ANKFN1: variants seen among roughly 807,000 people sequenced by gnomAD.
ANKFN1 encodes the protein ankyrin repeat and fibronectin type III domain containing 1.
In ANKFN1, 74 loss-of-function variants were observed where a neutral mutation model predicts 108.7. The ratio of observed to expected loss-of-function variants is 0.68; its 90% CI spans 0.56 to 0.83. ANKFN1 has a LOEUF of 0.83. Ranked by LOEUF, ANKFN1 falls within the 40% of genes least tolerant of loss-of-function variation. ANKFN1 has a pLI of 0.00. For synonymous variants in ANKFN1, 547 were observed against 516.2 expected (o/e 1.06, Z -0.81); for missense variants, 1,505 against 1,382.3 (o/e 1.09, Z -1.41).
chr17:56,496,418 T>C (rs1482562122), intron 19 of ANKFN1, among the ~76,000 whole-genome samples: 2 of 152,076 alleles, frequency 1.3e-5, no homozygotes, highest in East Asian at 3.8e-4. Flanking sequence ...ATAACAGAAA[T>C]GTATTCCCTC....
At chr17:56,248,653 C>T (rs2043169648) in intron 3 of ANKFN1, among the ~76,000 whole-genome samples, 1 of 152,140 alleles carries the variant, frequency 6.6e-6, no homozygotes, top group Non-Finnish European at 1.5e-5. Context: ...TACCAGACCC[C>T]AAAGCCTATC....
chr17:56,263,378 CTG>C (rs1255201473), intron 3 of ANKFN1, among the ~76,000 whole-genome samples: 1 of 152,164 alleles, frequency 6.6e-6, no homozygotes, highest in Non-Finnish European at 1.5e-5. Flanking sequence ...TGGTCTGAAA[CTG>C]GGGTTTAATG....
At chr17:56,314,328 A>C (rs1358149274) in intron 3 of ANKFN1, among the ~76,000 whole-genome samples, 1 of 152,100 alleles carries the variant, frequency 6.6e-6, no homozygotes, top group Non-Finnish European at 1.5e-5. Flanking sequence ...ATTATATTTA[A>C]CTTTGTAAAA....
At chr17:56,181,755 T>G (rs985004898) in intron 1 of ANKFN1, among the ~76,000 whole-genome samples, 2 of 152,206 alleles carry the variant, frequency 1.3e-5, no homozygotes, top group African/African-American at 2.4e-5. Context: ...TGCTTATGTA[T>G]AGAGGCATAC....
chr17:56,335,204 T>C (rs573804219), intron 4 of ANKFN1, among the ~76,000 whole-genome samples: 1 of 152,320 alleles, frequency 6.6e-6, no homozygotes, highest in South Asian at 2.1e-4. Context: ...CAATGCGGGC[T>C]CTTTTTTGGT....
At chr17:56,143,753 A>T (rs983398495) in intron 4 of ANKFN1, among the ~76,000 whole-genome samples, 1 of 152,162 alleles carries the variant, frequency 6.6e-6, no homozygotes, top group Admixed American at 6.5e-5. Context: ...TGTGACACAG[A>T]GACACAAGGA....
chr17:56,169,279 TA>T (rs1050583091), intron 1 of ANKFN1, among the ~76,000 whole-genome samples: 10 of 152,082 alleles, frequency 6.6e-5, no homozygotes, highest in African/African-American at 2.4e-4. Context: ...TTATCATTAT[TA>T]TTTTTTTTTT....
chr17:56,462,546 A>C, intron 14 of ANKFN1, among the ~76,000 whole-genome samples: 1 of 152,220 alleles, frequency 6.6e-6, no homozygotes, highest in Non-Finnish European at 1.5e-5. Context: ...GTGAGCTGAG[A>C]TCGCACCATT....
intron 8 of ANKFN1, among the ~76,000 whole-genome samples, chr17:56,418,970 C>T (rs1301333184): frequency 2.0e-5 from 3 of 152,158 alleles, no homozygotes; most frequent in Non-Finnish European, 4.4e-5. Context: ...GGTTCAACTC[C>T]GATCTCAGGG....
At chr17:56,424,029 A>C (rs538354573) in intron 8 of ANKFN1, among the ~76,000 whole-genome samples, 1 of 152,334 alleles carries the variant, frequency 6.6e-6, no homozygotes, top group African/African-American at 2.4e-5. Context: ...GAACCTAAAT[A>C]AAAGGAGAAT....
intron 3 of ANKFN1, among the ~76,000 whole-genome samples, chr17:56,317,717 A>G (rs574124003): frequency 6.6e-6 from 1 of 152,132 alleles, no homozygotes; most frequent in Non-Finnish European, 1.5e-5. Context: ...TATGACAACA[A>G]TTTCCTTCCT....
At chr17:56,262,568 T>C (rs897858308) in intron 3 of ANKFN1, among the ~76,000 whole-genome samples, 1 of 152,094 alleles carries the variant, frequency 6.6e-6, no homozygotes, top group African/African-American at 2.4e-5. Flanking sequence ...TTCCTGCATG[T>C]TTTTTTATCA....
intron 3 of ANKFN1, among the ~76,000 whole-genome samples, chr17:56,289,910 C>T (rs1244292303): frequency 6.6e-6 from 1 of 152,100 alleles, no homozygotes; most frequent in Non-Finnish European, 1.5e-5. Context: ...TACTTGGTCT[C>T]CTGTGGTCTG....
intron 1 of ANKFN1, chr17:56,156,588 A>G (rs888703697): frequency 3.3e-5 from 5 of 152,268 alleles, no homozygotes; most frequent in African/African-American, 1.2e-4. Context: ...TGGGTTTCAT[A>G]TATTATCCTC....
chr17:56,060,244 T>C (rs1904949717), intron 4 of ANKFN1, among the ~76,000 whole-genome samples: 1 of 152,224 alleles, frequency 6.6e-6, no homozygotes, highest in East Asian at 1.9e-4. Flanking sequence ...CTATTTTTGG[T>C]GTAAAGGAAC....
intron 1 of ANKFN1, among the ~76,000 whole-genome samples, chr17:56,196,828 G>T (rs1913559924): frequency 6.6e-6 from 1 of 152,232 alleles, no homozygotes; most frequent in Non-Finnish European, 1.5e-5. Context: ...GTGCCTGATA[G>T]AATATTAAGG....
chr17:56,301,575 A>G (rs542091663), intron 3 of ANKFN1, among the ~76,000 whole-genome samples: 4 of 152,304 alleles, frequency 2.6e-5, no homozygotes, highest in Non-Finnish European at 5.9e-5. Flanking sequence ...AGCTGCAAAT[A>G]AGAGATCCAA....
intron 8 of ANKFN1, among the ~76,000 whole-genome samples, chr17:56,408,787 A>G (rs187732786): frequency 6.6e-6 from 1 of 152,238 alleles, no homozygotes; most frequent in African/African-American, 2.4e-5. Context: ...TTCTATACAG[A>G]TGATTAAATT....
intron 6 of ANKFN1, among the ~76,000 whole-genome samples, chr17:56,365,109 A>G (rs190623501): frequency 6.6e-6 from 1 of 152,306 alleles, no homozygotes; most frequent in African/African-American, 2.4e-5. Context: ...AAGTTGTTAG[A>G]AGGTTGTCGC....
Sources: gnomAD v4.1 joint callset for allele counts (sites outside exome capture counted in the v4.1 genomes callset) on GRCh38, gnomAD v4.1.1 for gene constraint, MANE v1.5 for transcripts, NCBI Gene and HGNC (gene_info 2026-07-23, HGNC 2026-07-21) for gene names.